The following TMEM163 variants were observed in gnomAD, a reference collection of about 807,000 sequenced individuals.
The protein encoded by TMEM163 is transmembrane protein 163.
Under a neutral mutation model 29.3 loss-of-function variants are expected in TMEM163, and 17 were observed. That is an observed-to-expected ratio of 0.58 (90% CI 0.40 to 0.87). TMEM163 has a LOEUF of 0.87. TMEM163 is among the 40% of genes least tolerant of loss of function. TMEM163 has a pLI of 0.00. For missense variants in TMEM163, 303 were observed against 381.5 expected, an observed-to-expected ratio of 0.79 and a Z score of 1.71; for synonymous variants, 157 against 160.6, an observed-to-expected ratio of 0.98 and a Z score of 0.17.
chr2:134,640,027 G>C (rs780301278), intron 2 of TMEM163, among the ~76,000 whole-genome samples: 14 of 152,070 alleles, frequency 9.2e-5, no homozygotes, highest in South Asian at 4.1e-4. Flanking sequence ...CTAAGACTTT[G>C]GTTCTCTTTA....
intron 5 of TMEM163, among the ~76,000 whole-genome samples, chr2:134,488,477 C>T (rs549294014): frequency 6.6e-6 from 1 of 152,304 alleles, no homozygotes; most frequent in Non-Finnish European, 1.5e-5. Context: ...AGCTTTTGGA[C>T]TCCTGGACTT....
chr2:134,594,004 T>G (rs1444462352), intron 2 of TMEM163, among the ~76,000 whole-genome samples: 2 of 151,792 alleles, frequency 1.3e-5, no homozygotes, highest in African/African-American at 4.8e-5. Context: ...GTTCTCCAGG[T>G]GGAGAATTTA....
intron 2 of TMEM163, among the ~76,000 whole-genome samples, chr2:134,647,067 C>T (rs888656986): frequency 6.6e-6 from 1 of 152,162 alleles, no homozygotes; most frequent in Non-Finnish European, 1.5e-5. Context: ...CTCGGGAAAT[C>T]CAGACCTGCC....
At chr2:134,575,976 G>T (rs1681546181) in intron 2 of TMEM163, among the ~76,000 whole-genome samples, 1 of 152,050 alleles carries the variant, frequency 6.6e-6, no homozygotes, top group African/African-American at 2.4e-5. Flanking sequence ...TAAGAAACTG[G>T]GCAAAGATGG....
intron 2 of TMEM163, among the ~76,000 whole-genome samples, chr2:134,592,542 T>C (rs1013608867): frequency 2.0e-5 from 3 of 152,168 alleles, no homozygotes; most frequent in Non-Finnish European, 4.4e-5. Context: ...TCTATTTTAA[T>C]GTTAATGCTG....
intron 2 of TMEM163, among the ~76,000 whole-genome samples, chr2:134,595,318 A>G (rs1042120315): frequency 2.0e-5 from 3 of 151,880 alleles, no homozygotes; most frequent in Admixed American, 6.6e-5. Flanking sequence ...CCTGTGTCCA[A>G]GTGTTCTCAT....
At chr2:134,527,250 C>T (rs1172553082) in intron 4 of TMEM163, among the ~76,000 whole-genome samples, 2 of 152,044 alleles carry the variant, frequency 1.3e-5, no homozygotes, top group African/African-American at 4.8e-5. Flanking sequence ...TACATGCTTA[C>T]ATACGTGTAT....
At chr2:134,595,726 C>T (rs1682062907) in intron 2 of TMEM163, among the ~76,000 whole-genome samples, 1 of 152,160 alleles carries the variant, frequency 6.6e-6, no homozygotes, top group African/African-American at 2.4e-5. Flanking sequence ...GTTTACAGTC[C>T]CACCAACAGT....
chr2:134,464,651 CAGG>C (rs1042479573), intron 6 of TMEM163, among the ~76,000 whole-genome samples: 1 of 152,116 alleles, frequency 6.6e-6, no homozygotes, highest in African/African-American at 2.4e-5. Flanking sequence ...GTTGCAGACT[CAGG>C]AGGAGGAGTG....
chr2:134,524,328 GTTTTTTAATA>G (rs1680247500), intron 4 of TMEM163, among the ~76,000 whole-genome samples: 1 of 149,752 alleles, frequency 6.7e-6, no homozygotes, highest in Non-Finnish European at 1.5e-5. Context: ...AAGAGTTTTT[GTTTTTTAATA>G]TCGATAACAT....
At chr2:134,559,112 C>T (rs771555010) in intron 2 of TMEM163, among the ~76,000 whole-genome samples, 3 of 152,194 alleles carry the variant, frequency 2.0e-5, no homozygotes, top group Non-Finnish European at 4.4e-5. Flanking sequence ...ACACTGAAAT[C>T]TGCCCACCCT....
intron 4 of TMEM163, among the ~76,000 whole-genome samples, chr2:134,512,211 A>C (rs1187138861): frequency 6.6e-6 from 1 of 152,194 alleles, no homozygotes; most frequent in Non-Finnish European, 1.5e-5. Flanking sequence ...TAATCTCAGC[A>C]CTTTGGGAGG....
chr2:134,559,383 A>G (rs895387906), intron 2 of TMEM163, among the ~76,000 whole-genome samples: 4 of 152,206 alleles, frequency 2.6e-5, no homozygotes, highest in East Asian at 3.8e-4. Context: ...GTGGTTCCCA[A>G]TGTTTTCTAC....
intron 2 of TMEM163, among the ~76,000 whole-genome samples, chr2:134,573,437 T>C (rs1030507845): frequency 1.3e-5 from 2 of 151,924 alleles, no homozygotes; most frequent in Non-Finnish European, 2.9e-5. Context: ...CAGTGAGACA[T>C]TGTTGGTTGT....
intron 1 of TMEM163, among the ~76,000 whole-genome samples, chr2:134,716,082 A>G (rs73958806): frequency 0.032 from 4,912 of 152,268 alleles, 259 homozygotes; most frequent in African/African-American, 0.11. Flanking sequence ...CTCTGTGAAG[A>G]AAGGGAAATT....
At chr2:134,614,216 T>C (rs1212912040) in intron 2 of TMEM163, among the ~76,000 whole-genome samples, 1 of 152,078 alleles carries the variant, frequency 6.6e-6, no homozygotes, top group East Asian at 1.9e-4. Context: ...AGCAATTCAA[T>C]GGCAAAGGGA....
chr2:134,550,470 C>T (rs1046251065), intron 4 of TMEM163, 100 bp downstream of exon 4: 1 of 1,159,160 alleles, frequency 8.6e-7, no homozygotes, highest in Non-Finnish European at 1.3e-6. Flanking sequence ...CTTCTCATCA[C>T]TGGGACAAAA....
chr2:134,555,049 C>T (rs998993864), intron 2 of TMEM163, among the ~76,000 whole-genome samples: 2 of 152,192 alleles, frequency 1.3e-5, no homozygotes, highest in Non-Finnish European at 2.9e-5. Context: ...CTGACAGCTT[C>T]CTTTTGTGGC....
intron 2 of TMEM163, among the ~76,000 whole-genome samples, chr2:134,588,372 C>G (rs1287943591): frequency 6.6e-6 from 1 of 152,216 alleles, no homozygotes; most frequent in African/African-American, 2.4e-5. Context: ...GCCAATCACA[C>G]CTTGTCACAT....
Sources: gnomAD v4.1 joint callset for allele counts (sites outside exome capture counted in the v4.1 genomes callset) on GRCh38, gnomAD v4.1.1 for gene constraint, MANE v1.5 for transcripts, NCBI Gene and HGNC (gene_info 2026-07-23, HGNC 2026-07-21) for gene names.